Variants in PIP5K1B observed in about 807,000 individuals in gnomAD.
PIP5K1B encodes the protein phosphatidylinositol-4-phosphate 5-kinase type 1 beta, also known as phosphatidylinositol 4-phosphate 5-kinase type-1 beta.
PIP5K1B carries 42 observed loss-of-function variants against 67.0 expected under a neutral mutation model. The observed-to-expected ratio is 0.63, with a 90% CI of 0.49 to 0.81. The LOEUF (loss-of-function observed/expected upper bound fraction) is 0.81, where lower values mean the gene tolerates loss of function less well. Among genes scored for constraint, PIP5K1B ranks in the 30% least tolerant of loss-of-function variants. PIP5K1B has a pLI of 0.00. For missense variants in PIP5K1B, 459 were observed against 646.3 expected (o/e 0.71, Z 3.14); for synonymous variants, 214 against 231.4 (o/e 0.92, Z 0.68).
At chr9:68,879,186 A>G (rs1440710837) in intron 6 of PIP5K1B, among the ~76,000 whole-genome samples, 1 of 152,256 alleles carries the variant, frequency 6.6e-6, no homozygotes, top group African/African-American at 2.4e-5. Flanking sequence ...GTCTTTTAGA[A>G]GATATACTGA....
intron 8 of PIP5K1B, among the ~76,000 whole-genome samples, chr9:68,911,270 G>C (rs1423169044): frequency 2.0e-5 from 3 of 152,058 alleles, no homozygotes; most frequent in East Asian, 3.9e-4. Flanking sequence ...CTACTTGGGA[G>C]GCTGAGGCAG....
chr9:68,767,322 TG>T (rs1301819604), intron 2 of PIP5K1B, among the ~76,000 whole-genome samples: 4 of 152,116 alleles, frequency 2.6e-5, no homozygotes, highest in African/African-American at 9.7e-5. Flanking sequence ...GTCCGGGCGC[TG>T]TGGCTCACGC....
chr9:68,950,452 C>T (rs2132683885), intron 14 of PIP5K1B, among the ~76,000 whole-genome samples: 1 of 152,338 alleles, frequency 6.6e-6, no homozygotes, highest in Non-Finnish European at 1.5e-5. Context: ...GCACCCTTCC[C>T]AGGAGCTTGT....
rs1256963627 is a variant in PIP5K1B at position 68,705,673 on chromosome 9, G to A, written c.-332G>A. 1 of 144,536 alleles carries A rather than the reference G, an allele frequency of 6.9e-6. No homozygotes were observed. The highest frequency in any genetic ancestry group is 1.5e-5 in the Non-Finnish European group (1 of 66,364). 9.0% of individuals were successfully genotyped at this position (144,536 alleles called of 1,614,324 possible). A position where few individuals can be genotyped will look rare whatever the true frequency, so the allele number is the denominator to read the frequency against. ...CCCTCGCCTGCACTGCTCTCCCTTC[G>A]CTGTGGGGAAGCGACAACGTCCCGA... On this transcript the variant is annotated 5_prime_UTR_variant, in exon 1 of 16. Coordinates refer to ENST00000265382, the MANE Select transcript of PIP5K1B (RefSeq NM_003558.4).
chr9:68,821,273 C>T (rs1456363050), intron 3 of PIP5K1B, among the ~76,000 whole-genome samples: 1 of 152,084 alleles, frequency 6.6e-6, no homozygotes, highest in Admixed American at 6.6e-5. Context: ...AACAAAAAGG[C>T]AGATACTAAC....
At position 68,747,400 on chromosome 9, in the gene PIP5K1B, C is replaced by T. The variant is rs149397307; in HGVS notation, c.-86+4743C>T. On this transcript the variant is annotated intron_variant, in intron 2 of 15. Transcript: ENST00000265382. ...ATTACTGCCACGTCGTTATAAAGTG[C>T]GCGCTGTAACATGGCAGTGTTTTCC... Among the ~76,000 whole-genome samples the T allele has an allele frequency of 2.9e-4, 44 of 151,724 alleles. No individual in the cohort carries two copies. In the East Asian group the frequency reaches 3.1e-3, roughly 11 times the overall value.
intron 13 of PIP5K1B, among the ~76,000 whole-genome samples, chr9:68,938,524 A>G (rs1019510449): frequency 2.6e-5 from 4 of 152,080 alleles, no homozygotes; most frequent in African/African-American, 9.7e-5. Context: ...AATACAGCAC[A>G]TTGATGGATC....
At chr9:68,900,035 T>G (rs1047961026) in intron 8 of PIP5K1B, among the ~76,000 whole-genome samples, 7 of 152,236 alleles carry the variant, frequency 4.6e-5, no homozygotes, top group Admixed American at 6.5e-5. Context: ...TTTCTGTTAC[T>G]AGGTTAATTC....
intron 4 of PIP5K1B, among the ~76,000 whole-genome samples, chr9:68,844,633 G>A (rs2132169758): frequency 6.6e-6 from 1 of 151,062 alleles, no homozygotes; most frequent in African/African-American, 2.4e-5. Context: ...ATGGGGGAGA[G>A]CCAAAGGTGT....
intron 14 of PIP5K1B, among the ~76,000 whole-genome samples, chr9:68,968,828 G>C (rs1204839687): frequency 6.6e-6 from 1 of 151,836 alleles, no homozygotes; most frequent in Non-Finnish European, 1.5e-5. Context: ...AAGACTTTAA[G>C]AGTGAAATCT....
At chr9:68,830,413 G>A (rs568987454) in intron 4 of PIP5K1B, among the ~76,000 whole-genome samples, 4 of 138,706 alleles carry the variant, frequency 2.9e-5, no homozygotes, top group Non-Finnish European at 6.2e-5. Context: ...AGAATTGGCA[G>A]CTTCAGATTA....
chr9:68,776,398 C>T (rs1204056783), intron 2 of PIP5K1B, among the ~76,000 whole-genome samples: 1 of 152,104 alleles, frequency 6.6e-6, no homozygotes, highest in East Asian at 1.9e-4. Flanking sequence ...ACTTATTCCT[C>T]ATTGAGATCT....
At chr9:68,767,510 C>G (rs1830486767) in intron 2 of PIP5K1B, among the ~76,000 whole-genome samples, 1 of 150,852 alleles carries the variant, frequency 6.6e-6, no homozygotes, top group Non-Finnish European at 1.5e-5. Flanking sequence ...AGGGGAATCG[C>G]TTGAACCTGG....
intron 8 of PIP5K1B, among the ~76,000 whole-genome samples, chr9:68,901,732 A>T (rs1471274610): frequency 6.6e-6 from 1 of 152,248 alleles, no homozygotes; most frequent in Non-Finnish European, 1.5e-5. Context: ...AACTCATAGA[A>T]TCAAAGATTG....
intron 14 of PIP5K1B, among the ~76,000 whole-genome samples, chr9:68,962,348 T>C (rs759007354): frequency 2.0e-5 from 3 of 152,216 alleles, no homozygotes; most frequent in Non-Finnish European, 2.9e-5. Context: ...ATCAATCCTC[T>C]CTGAATTCAG....
chr9:68,778,441 AC>A (rs1004130584), intron 2 of PIP5K1B, among the ~76,000 whole-genome samples: 7 of 152,264 alleles, frequency 4.6e-5, no homozygotes, highest in African/African-American at 1.7e-4. Flanking sequence ...CTACCATCTC[AC>A]CAGTTTAAAT....
chr9:68,729,234 G>T (rs1213553610), intron 1 of PIP5K1B, among the ~76,000 whole-genome samples: 1 of 152,086 alleles, frequency 6.6e-6, no homozygotes, highest in Non-Finnish European at 1.5e-5. Flanking sequence ...TAGATGAATG[G>T]AGATATTTAT....
Position 68,940,772 on chromosome 9 carries a change from C to G in PIP5K1B, c.1484C>G (p.Pro495Arg). 1 of 1,613,866 alleles carries G rather than the reference C, an allele frequency of 6.2e-7. No individual in the cohort carries two copies. The highest frequency in any genetic ancestry group is 8.5e-7 in the Non-Finnish European group (1 of 1,179,816). ...YVNEHYPHDR[P>R]TLYSNSKGLP... is the part of the protein sequence containing the mutation. ...AATGAGCACTATCCACACGACAGGCCTACACTCTATTCAAACAGGTAATAC... is the reference window on the plus strand; with the variant it reads ...AATGAGCACTATCCACACGACAGGCGTACACTCTATTCAAACAGGTAATAC... The change falls in exon 14 of 16, where the codon CCT (proline) becomes CGT (arginine). Residue 495 changes from proline (P) to arginine (R), a missense_variant. Physicochemically the swap from Pro to Arg is moderately radical, Grantham distance 103. Around this residue, in one of 2 missense-constraint regions of PIP5K1B, gnomAD observed 169 missense variants for 171.9 expected, o/e 0.98. Transcript: ENST00000265382.
chr9:68,753,019 A>G (rs552059037), intron 2 of PIP5K1B, among the ~76,000 whole-genome samples: 5 of 152,286 alleles, frequency 3.3e-5, no homozygotes, highest in Non-Finnish European at 7.4e-5. Flanking sequence ...CATTTTTTAC[A>G]TTTAAATCTT....
Sources: gnomAD v4.1 joint callset for allele counts (sites outside exome capture counted in the v4.1 genomes callset) on GRCh38, gnomAD v4.1.1 for gene constraint, gnomAD v4.1.1 regional missense constraint, MANE v1.5 for transcripts, NCBI Gene and HGNC (gene_info 2026-07-23, HGNC 2026-07-21) for gene names.